Variants in EEFSEC observed in about 807,000 individuals in gnomAD.
EEFSEC encodes eukaryotic elongation factor, selenocysteine-tRNA specific, also known as selenocysteine-specific elongation factor.
A neutral mutation model predicts 42.1 loss-of-function variants in EEFSEC; 43 were observed. The ratio of observed to expected loss-of-function variants is 1.02; its 90% CI spans 0.80 to 1.32. The LOEUF (loss-of-function observed/expected upper bound fraction) is 1.32. Among genes scored for constraint, EEFSEC ranks in the 40% most tolerant of loss-of-function variants. EEFSEC has a pLI of 0.00. For missense variants in EEFSEC, 745 were observed against 803.6 expected, an observed-to-expected ratio of 0.93 and a Z score of 0.88; for synonymous variants, 354 against 339.1, an observed-to-expected ratio of 1.04 and a Z score of -0.48.
At chr3:128,194,158 A>G (rs943033951) in intron 1 of EEFSEC, among the ~76,000 whole-genome samples, 1 of 152,204 alleles carries the variant, frequency 6.6e-6, no homozygotes, top group Admixed American at 6.5e-5. Context: ...AAATCTTTTC[A>G]GCTCATAAAA....
At chr3:128,397,219 C>T (rs2067991758) in intron 6 of EEFSEC, among the ~76,000 whole-genome samples, 1 of 152,242 alleles carries the variant, frequency 6.6e-6, no homozygotes, top group African/African-American at 2.4e-5. Context: ...TGGCTGCAGC[C>T]CCCTGCTGCC....
At chr3:128,212,559 A>G (rs7372439) in intron 1 of EEFSEC, among the ~76,000 whole-genome samples, 107,455 of 152,100 alleles carry the variant, frequency 0.71, 38,197 homozygotes, top group East Asian at 0.89. Context: ...CCACCCAGGA[A>G]AAGGATTTAA....
chr3:128,380,788 A>C (rs1377427994), intron 6 of EEFSEC, among the ~76,000 whole-genome samples: 2 of 152,202 alleles, frequency 1.3e-5, no homozygotes, highest in East Asian at 3.9e-4. Flanking sequence ...ACGTCTCCAC[A>C]ATGCAGAGCA....
intron 6 of EEFSEC, among the ~76,000 whole-genome samples, chr3:128,385,088 G>A (rs1004627016): frequency 6.6e-6 from 1 of 152,204 alleles, no homozygotes; most frequent in Admixed American, 6.5e-5. Context: ...CAGAGGCATA[G>A]CTGCCAGGCA....
intron 4 of EEFSEC, among the ~76,000 whole-genome samples, chr3:128,299,635 G>A (rs997546228): frequency 6.6e-6 from 1 of 152,122 alleles, no homozygotes; most frequent in Non-Finnish European, 1.5e-5. Flanking sequence ...AAGGCCTGGA[G>A]GAAGGCATGG....
chr3:128,365,914 G>A (rs1045560534), intron 6 of EEFSEC, among the ~76,000 whole-genome samples: 6 of 152,220 alleles, frequency 3.9e-5, no homozygotes, highest in Non-Finnish European at 7.3e-5. Context: ...TGCCTCAGCC[G>A]TTGGATGGCC....
intron 4 of EEFSEC, among the ~76,000 whole-genome samples, chr3:128,337,423 C>T (rs189517792): frequency 1.2e-3 from 178 of 152,288 alleles, no homozygotes; most frequent in Middle Eastern, 6.8e-3. Flanking sequence ...GCCTGCTTGA[C>T]GTTCGGCTTG....
intron 1 of EEFSEC, among the ~76,000 whole-genome samples, chr3:128,201,053 T>C (rs1292151830): frequency 1.3e-5 from 2 of 152,166 alleles, no homozygotes; most frequent in East Asian, 1.9e-4. Context: ...GCACCACCTT[T>C]ATTAGTATTA....
chr3:128,182,626 C>T (rs1384360702), intron 1 of EEFSEC, among the ~76,000 whole-genome samples: 1 of 152,144 alleles, frequency 6.6e-6, no homozygotes, highest in Non-Finnish European at 1.5e-5. Context: ...TGTGCTATCT[C>T]GAACAGTAGT....
At chr3:128,398,091 G>T (rs1302025938) in intron 6 of EEFSEC, among the ~76,000 whole-genome samples, 1 of 152,252 alleles carries the variant, frequency 6.6e-6, no homozygotes, top group African/African-American at 2.4e-5. Flanking sequence ...AGATGAGGTG[G>T]GGTGCACACG....
At chr3:128,230,089 A>C in intron 1 of EEFSEC, among the ~76,000 whole-genome samples, 1 of 92,850 alleles carries the variant, frequency 1.1e-5, no homozygotes, top group South Asian at 3.1e-4. Flanking sequence ...GCTTTCTGTC[A>C]TTCTTTCGTT....
At chr3:128,272,373 A>G (rs780933442) in intron 4 of EEFSEC, among the ~76,000 whole-genome samples, 45 of 152,294 alleles carry the variant, frequency 3.0e-4, no homozygotes, top group Non-Finnish European at 5.7e-4. Flanking sequence ...GCTTTTTGGA[A>G]CTCAACAGGA....
chr3:128,339,345 G>A (rs2067224970), intron 4 of EEFSEC, among the ~76,000 whole-genome samples: 1 of 152,136 alleles, frequency 6.6e-6, no homozygotes, highest in African/African-American at 2.4e-5. Context: ...ATGAGTGTTC[G>A]TACACCCTGA....
chr3:128,356,622 G>A (rs79789409), intron 5 of EEFSEC, among the ~76,000 whole-genome samples: 1 of 152,190 alleles, frequency 6.6e-6, no homozygotes, highest in Non-Finnish European at 1.5e-5. Flanking sequence ...TTGTAAACAG[G>A]TGATGCATTC....
At chr3:128,293,091 G>A (rs1426836946) in intron 4 of EEFSEC, among the ~76,000 whole-genome samples, 1 of 152,174 alleles carries the variant, frequency 6.6e-6, no homozygotes, top group Non-Finnish European at 1.5e-5. Context: ...GGATTTTCCA[G>A]TTAACTTGTT....
At chr3:128,323,534 T>C (rs1477124338) in intron 4 of EEFSEC, among the ~76,000 whole-genome samples, 8 of 152,218 alleles carry the variant, frequency 5.3e-5, no homozygotes, top group African/African-American at 1.9e-4. Context: ...AATTTCACTC[T>C]GTCAATCCTA....
At chr3:128,273,046 G>A (rs879674730) in intron 4 of EEFSEC, among the ~76,000 whole-genome samples, 2 of 152,182 alleles carry the variant, frequency 1.3e-5, no homozygotes, top group African/African-American at 2.4e-5. Context: ...GCCACGTAGC[G>A]TGCTTGCAGC....
intron 2 of EEFSEC, among the ~76,000 whole-genome samples, chr3:128,249,247 G>C (rs1248949379): frequency 6.6e-6 from 1 of 152,168 alleles, no homozygotes; most frequent in Admixed American, 6.5e-5. Flanking sequence ...TGTCCAAAGA[G>C]TAACTGAAAG....
intron 4 of EEFSEC, among the ~76,000 whole-genome samples, chr3:128,335,297 A>G (rs1431335831): frequency 9.2e-5 from 14 of 152,244 alleles, no homozygotes; most frequent in Admixed American, 7.8e-4. Flanking sequence ...GGGAAGCTCT[A>G]TGATGAAAAA....
Sources: gnomAD v4.1 joint callset for allele counts (sites outside exome capture counted in the v4.1 genomes callset) on GRCh38, gnomAD v4.1.1 for gene constraint, MANE v1.5 for transcripts, NCBI Gene and HGNC (gene_info 2026-07-23, HGNC 2026-07-21) for gene names.